The following ADGRG3 variants were observed in gnomAD, a reference collection of about 807,000 sequenced individuals.
ADGRG3 encodes adhesion G protein-coupled receptor G3.
Under a neutral mutation model 54.3 loss-of-function variants are expected in ADGRG3, and 39 were observed. The ratio of observed to expected loss-of-function variants is 0.72; its 90% CI spans 0.56 to 0.94. The LOEUF is 0.94. Ranked by LOEUF, ADGRG3 falls within the 40% of genes least tolerant of loss-of-function variation. The pLI is 0.00. For synonymous variants in ADGRG3, 312 were observed against 290.0 expected (o/e 1.08, Z -0.77); for missense variants, 654 against 694.6 (o/e 0.94, Z 0.66).
chr16:57,679,899 G>C (rs1377074025), intron 6 of ADGRG3, 44 bp downstream of exon 6: 1 of 1,496,882 alleles, frequency 6.7e-7, no homozygotes, highest in Non-Finnish European at 9.3e-7. Flanking sequence ...AGGAAGGGAG[G>C]GTATGGGCTG....
rs745503835 is a variant in ADGRG3, at chr16:57,680,271, C to A, written c.674C>A (p.Thr225Asn). 4 of 1,605,896 alleles carry A rather than the reference C, an allele frequency of 2.5e-6. No homozygotes were observed. The highest frequency in any genetic ancestry group is 3.4e-6 in the Non-Finnish European group (4 of 1,174,772). The change falls in exon 7 of 12, where the codon ACT (threonine) becomes AAT (asparagine). Residue 225 changes from threonine to asparagine, a missense_variant. Transcript: ENST00000333493. ...CCCCTGGCCTCCTCTCCAGGGACCACTGGAGACTGGTCTTCTGAGGGCTGC... is the reference window on the plus strand; with the variant it reads ...CCCCTGGCCTCCTCTCCAGGGACCAATGGAGACTGGTCTTCTGAGGGCTGC... Reference protein sequence around the residue: ...CVFWDVTKGTTGDWSSEGCST... With the variant: ...CVFWDVTKGTNGDWSSEGCST...
chr16:57,681,669 T>C (rs1033151251), intron 8 of ADGRG3, among the ~76,000 whole-genome samples: 1 of 130,604 alleles, frequency 7.7e-6, no homozygotes, highest in Admixed American at 9.2e-5. Flanking sequence ...GAGGTTGCAG[T>C]GAGCCGAGAT....
At position 57,688,697 on chromosome 16, in the gene ADGRG3, C is replaced by A; in HGVS notation, c.*236C>A. On this transcript the variant is annotated 3_prime_UTR_variant, in exon 12 of 12. Transcript: ENST00000333493. ...TCTAAAGTTCCTATAGTCCTGAGAC[C>A]CCCTGCCAGCAAAGAGTGACAGTCA... 2.0e-6 allele frequency: 1 copy of A among 489,546 alleles called. No homozygotes were observed. Among genetic ancestry groups the A allele is most frequent in the Non-Finnish European group, 3.7e-6 (1 of 269,638 alleles). 30.3% of individuals were successfully genotyped at this position (489,546 alleles called of 1,614,324 possible).
upstream of ADGRG3, among the ~76,000 whole-genome samples, chr16:57,667,448 C>T (rs561714362): frequency 2.8e-4 from 43 of 152,398 alleles, no homozygotes; most frequent in African/African-American, 8.9e-4. Flanking sequence ...GTTTGCCACC[C>T]CCACCTCCCA....
chr16:57,674,851 C>T (rs2048230182), intron 2 of ADGRG3, among the ~76,000 whole-genome samples: 1 of 147,258 alleles, frequency 6.8e-6, no homozygotes, highest in Non-Finnish European at 1.5e-5. Context: ...AAAAAAATTG[C>T]CAGGCTTGGT....
upstream of ADGRG3, among the ~76,000 whole-genome samples, chr16:57,666,607 C>T (rs1335394168): frequency 1.3e-5 from 2 of 152,050 alleles, no homozygotes; most frequent in South Asian, 2.1e-4. Context: ...GGGCAGGAGG[C>T]GGCAGGAAGG....
intron 1 of ADGRG3, among the ~76,000 whole-genome samples, 154 bp downstream of exon 1, chr16:57,668,559 C>T (rs529278664): frequency 1.3e-5 from 2 of 152,336 alleles, no homozygotes; most frequent in Non-Finnish European, 2.9e-5. Context: ...GCCTCAGCAC[C>T]TTCTCTAGCC....
At chr16:57,674,497 A>C (rs2048221390) in intron 2 of ADGRG3, 1 of 422,804 alleles carries the variant, frequency 2.4e-6, no homozygotes, top group Non-Finnish European at 4.8e-6. Context: ...AATGAGTTAA[A>C]GCCCTGCGCT....
chr16:57,678,271 C>T lies in ADGRG3; in HGVS notation c.447C>T (p.Arg149=). 1.2e-6 allele frequency: 2 copies of T among 1,614,222 alleles called. No individual in the cohort carries two copies. Among genetic ancestry groups the T allele is most frequent in the Non-Finnish European group, 1.7e-6 (2 of 1,180,034 alleles). The change falls in exon 4 of 12, where the codon CGC becomes CGT. Residue 149 remains arginine, a synonymous_variant. Coordinates refer to ENST00000333493, the MANE Select transcript of ADGRG3 (RefSeq NM_170776.5). ...RSLPGNRSVV[R]LAVTILDIGP... ...TGCCAGGCAACAGGTCTGTGGTCCG[C>T]TTGGCCGTCACCATTCTGGACATTG... is the stretch of plus-strand genomic sequence containing the variant.
chr16:57,667,603 A>G (rs2048081445), upstream of ADGRG3, among the ~76,000 whole-genome samples: 1 of 152,236 alleles, frequency 6.6e-6, no homozygotes, highest in South Asian at 2.1e-4. Flanking sequence ...CAGACAGTGC[A>G]TGCAAGGTCA....
intron 5 of ADGRG3, among the ~76,000 whole-genome samples, 172 bp downstream of exon 5, chr16:57,679,483 T>C (rs2048324327): frequency 6.6e-6 from 1 of 151,994 alleles, no homozygotes. Context: ...CCACACACCA[T>C]AGAGGTGCAC....
At chr16:57,683,380 T>C (rs746301203) in intron 8 of ADGRG3, among the ~76,000 whole-genome samples, 27 of 152,200 alleles carry the variant, frequency 1.8e-4, no homozygotes, top group Non-Finnish European at 2.9e-4. Context: ...GAACCTTAAG[T>C]AGCTAATTAT....
At chr16:57,688,053 T>C (rs956073346) in intron 11 of ADGRG3, among the ~76,000 whole-genome samples, 10 of 152,224 alleles carry the variant, frequency 6.6e-5, no homozygotes, top group African/African-American at 2.2e-4. Flanking sequence ...TAATCCTTTA[T>C]AGAGGGAGTG....
chr16:57,679,999 CTCCCT>C, intron 6 of ADGRG3, 144 bp downstream of exon 6: 1 of 528,306 alleles, frequency 1.9e-6, no homozygotes. Flanking sequence ...CCTGCATCCC[CTCCCT>C]TCCCCTCCCC....
At position 57,683,787 on chromosome 16, in the gene ADGRG3, G is replaced by A. The variant is rs774732475; in HGVS notation, c.882-145G>A. The A allele has an allele frequency of 3.2e-4, 190 of 584,798 alleles. 1 individual carries two copies. Among genetic ancestry groups the A allele is most frequent in the Non-Finnish European group, 1.6e-4 (58 of 358,136 alleles). The allele number at this position is 584,798 out of a possible 1,614,324, so 36.2% of individuals were successfully genotyped here. On this transcript the variant is annotated intron_variant, in intron 8 of 11. Transcript: ENST00000333493. ...TCAGGACACTCCCACTCTGGCTGCC[G>A]GCAGGGATGGAAGCTGGATGAGCAG... is the stretch of plus-strand genomic sequence containing the variant.
chr16:57,668,299 G>A, upstream of ADGRG3: 1 of 1,498,550 alleles, frequency 6.7e-7, no homozygotes, highest in Non-Finnish European at 9.0e-7. Context: ...CCTGGGGCCA[G>A]AGGGCCAGAC....
upstream of ADGRG3, among the ~76,000 whole-genome samples, chr16:57,666,580 G>A (rs1025433180): frequency 6.6e-6 from 1 of 152,236 alleles, no homozygotes; most frequent in Non-Finnish European, 1.5e-5. Flanking sequence ...GCCCACTGGA[G>A]CCATTGGGAG....
At chr16:57,677,155 G>C (rs1177012645) in intron 3 of ADGRG3, among the ~76,000 whole-genome samples, 1 of 152,218 alleles carries the variant, frequency 6.6e-6, no homozygotes, top group African/African-American at 2.4e-5. Flanking sequence ...GTCTGGACTG[G>C]GAAGGAGAAA....
rs2048348333 is a variant in ADGRG3, at chr16:57,680,506, G to A, written c.770G>A (p.Arg257Lys). Residue 257 changes from arginine to lysine, a missense_variant and splice_region_variant, in exon 8 of 12, where the codon AGA becomes AAA. By Grantham distance (26) the Arg-to-Lys change is conservative (BLOSUM62 2). Transcript: ENST00000333493. ...TCCCGGTTCTGGGGTCACCCACAGA[G>A]ACCCACCTTGGACCAGTCCACGGTG... ...DHLTFFALLL[R>K]PTLDQSTVHI... is the part of the protein sequence containing the mutation. The A allele has an allele frequency of 6.2e-7, 1 of 1,613,120 alleles. No individual in the cohort carries two copies. The highest frequency in any genetic ancestry group is 8.5e-7 in the Non-Finnish European group (1 of 1,179,312).
Sources: gnomAD v4.1 joint callset for allele counts (sites outside exome capture counted in the v4.1 genomes callset) on GRCh38, gnomAD v4.1.1 for gene constraint, MANE v1.5 for transcripts, NCBI Gene and HGNC (gene_info 2026-07-23, HGNC 2026-07-21) for gene names.